The following PTPRN2 variants were observed in gnomAD, a reference collection of about 807,000 sequenced individuals.
The protein encoded by PTPRN2 is receptor-type tyrosine-protein phosphatase N2.
PTPRN2 carries 74 observed loss-of-function variants against 118.8 expected under a neutral mutation model. The observed-to-expected ratio is 0.62, with a 90% CI of 0.52 to 0.76. PTPRN2 has a LOEUF of 0.76. Ranked by LOEUF, PTPRN2 falls within the 30% of genes least tolerant of loss-of-function variation. PTPRN2 has a pLI of 0.00. For synonymous variants in PTPRN2, 641 were observed against 608.0 expected, an observed-to-expected ratio of 1.05 and a Z score of -0.80; for missense variants, 1,481 against 1,394.4, an observed-to-expected ratio of 1.06 and a Z score of -0.99.
chr7:158,566,476 G>C (rs1313010995), intron 1 of PTPRN2, among the ~76,000 whole-genome samples: 3 of 152,198 alleles, frequency 2.0e-5, no homozygotes, highest in Non-Finnish European at 4.4e-5. Context: ...GCGGGCACTT[G>C]GCAGCCCCGG....
rs111614779 is a variant in PTPRN2, at chr7:158,019,487, C to T, written c.1723+61811G>A. 2.0e-3 allele frequency among the ~76,000 whole-genome samples: 306 copies of T among 152,354 alleles called. 2 individuals carry two copies. Among genetic ancestry groups the T allele is most frequent in the African/African-American group, 7.1e-3 (295 of 41,578 alleles). On this transcript the variant is annotated intron_variant, in intron 11 of 22. Coordinates refer to ENST00000389418, the MANE Select transcript of PTPRN2 (RefSeq NM_002847.5). Reference sequence around the variant, plus strand: ...GGTAGAGGCCAGGGATGGGGCTGCACAGGATGCCCACAAGGCCTCGTGATT... The same window carrying T: ...GGTAGAGGCCAGGGATGGGGCTGCATAGGATGCCCACAAGGCCTCGTGATT...
chr7:158,371,621 G>T (rs560343336), intron 2 of PTPRN2, among the ~76,000 whole-genome samples: 1 of 152,180 alleles, frequency 6.6e-6, no homozygotes, highest in Admixed American at 6.5e-5. Context: ...GCAAGTTCTC[G>T]GAAGGAAAAT....
In PTPRN2 at chr7:157,697,500, A is replaced by C. The variant is rs1430784718; in HGVS notation, c.1789-14563T>G. ...CATCTACTCATGCATACTGGATCTT[A>C]GTAGAGCCCTCACCATCTACCCATG... On this transcript the variant is annotated intron_variant, in intron 12 of 22. Transcript: ENST00000389418. Among the ~76,000 whole-genome samples the C allele has an allele frequency of 4.9e-5, 5 of 102,842 alleles. No homozygotes were observed. The East Asian group carries it at 1.7e-3, about 35-fold the overall frequency. 67.5% of individuals were successfully genotyped at this position (102,842 alleles called of 152,430 possible).
At chr7:158,454,075 C>T (rs113292016) in intron 2 of PTPRN2, among the ~76,000 whole-genome samples, 1 of 129,634 alleles carries the variant, frequency 7.7e-6, no homozygotes. Context: ...ACACAATCAC[C>T]GATGTCAGGA....
chr7:158,053,812 GGCAGAGACCCCAGAGAT>G (rs1563365905), intron 11 of PTPRN2, among the ~76,000 whole-genome samples: 5 of 113,452 alleles, frequency 4.4e-5, no homozygotes, highest in African/African-American at 1.1e-4. Flanking sequence ...ACTCCAGAGA[GGCAGAGACCCCAGAGAT>G]GCAGAGACCC....
Position 158,158,298 on chromosome 7 carries a change from T to C in PTPRN2, c.910+8633A>G, listed in dbSNP as rs915484732. On this transcript the variant is annotated intron_variant, in intron 6 of 22. Transcript: ENST00000389418. ...GTGAAAAGTCAAAGCTTTGGTTCAG[T>C]GCCCTCCTGAGACTGGGCTGCGGGG... Among the ~76,000 whole-genome samples, 9 of 152,244 alleles carry C rather than the reference T, an allele frequency of 5.9e-5. No homozygotes were observed. In the East Asian group the frequency reaches 1.5e-3, roughly 26 times the overall value.
chr7:158,333,457 C>A (rs200537438), intron 2 of PTPRN2, among the ~76,000 whole-genome samples: 5 of 146,224 alleles, frequency 3.4e-5, no homozygotes, highest in Admixed American at 6.6e-5. Context: ...ACGTCTCTCA[C>A]ACCCACACTC....
intron 2 of PTPRN2, among the ~76,000 whole-genome samples, chr7:158,476,274 G>A (rs1820254952): frequency 6.6e-6 from 1 of 152,234 alleles, no homozygotes; most frequent in Non-Finnish European, 1.5e-5. Context: ...ACAGTGCTGG[G>A]ATTACAGGCG....
At chr7:158,202,973 C>T (rs1374605817) in intron 4 of PTPRN2, among the ~76,000 whole-genome samples, 1 of 151,924 alleles carries the variant, frequency 6.6e-6, no homozygotes, top group Non-Finnish European at 1.5e-5. Context: ...GTGGCTCATG[C>T]CTGTAATCCT....
chr7:158,340,029 G>C (rs1806354098), intron 2 of PTPRN2, among the ~76,000 whole-genome samples: 1 of 71,952 alleles, frequency 1.4e-5, no homozygotes, highest in African/African-American at 5.3e-5. Flanking sequence ...ACTATAAGAG[G>C]TGACATATGC....
rs376204306 is a variant in PTPRN2 at position 157,733,314 on chromosome 7, C to T, written c.1789-50377G>A. On this transcript the variant is annotated intron_variant, in intron 12 of 22. Transcript: ENST00000389418. ...AGCACAGTTACCCTTTCCCGTCCCA[C>T]GCGCCCAGCACAGTTACTCTTTTCC... is the stretch of plus-strand genomic sequence containing the variant. Among the ~76,000 whole-genome samples the T allele has an allele frequency of 2.1e-3, 29 of 13,516 alleles. 2 individuals carry two copies. Among genetic ancestry groups the T allele is most frequent in the Middle Eastern group, 0.042 (1 of 24 alleles). The allele number at this position is 13,516 out of a possible 152,430, so 8.9% of individuals were successfully genotyped here.
chr7:158,262,790 T>TTCACACTGC (rs1797567516), intron 3 of PTPRN2, among the ~76,000 whole-genome samples: 1 of 109,334 alleles, frequency 9.1e-6, no homozygotes, highest in Non-Finnish European at 1.9e-5. Flanking sequence ...ACTACACACA[T>TTCACACTGC]ACACATTCAC....
chr7:158,514,398 G>C (rs1192685036), intron 1 of PTPRN2, among the ~76,000 whole-genome samples: 1 of 152,194 alleles, frequency 6.6e-6, no homozygotes, highest in Non-Finnish European at 1.5e-5. Context: ...GAATGACGTG[G>C]GCTGCCCAGT....
intron 17 of PTPRN2, among the ~76,000 whole-genome samples, chr7:157,578,401 G>A (rs1800170575): frequency 6.6e-6 from 1 of 152,208 alleles, no homozygotes; most frequent in African/African-American, 2.4e-5. Flanking sequence ...AGGTTCAGCT[G>A]TGTGGTTTTC....
chr7:158,024,570 G>A (rs1210776094), intron 11 of PTPRN2, among the ~76,000 whole-genome samples: 1 of 152,240 alleles, frequency 6.6e-6, no homozygotes, highest in African/African-American at 2.4e-5. Context: ...CAAGGTCATA[G>A]GCATTGTAAG....
chr7:157,982,144 ATAAACCCCGAGTCACAGAGATG>A (rs1803250926), intron 11 of PTPRN2, among the ~76,000 whole-genome samples: 1 of 89,286 alleles, frequency 1.1e-5, no homozygotes, highest in African/African-American at 4.7e-5. Flanking sequence ...AGCGTCCCCC[ATAAACCCCGAGTCACAGAGATG>A]AGGAGGGGAA....
At chr7:158,573,545 A>C (rs1022396964) in intron 1 of PTPRN2, among the ~76,000 whole-genome samples, 20 of 152,244 alleles carry the variant, frequency 1.3e-4, no homozygotes, top group African/African-American at 4.8e-4. Flanking sequence ...TCTTTCCTTG[A>C]AAATCAACCA....
At chr7:157,918,477 G>A (rs913938773) in intron 11 of PTPRN2, among the ~76,000 whole-genome samples, 2 of 152,192 alleles carry the variant, frequency 1.3e-5, no homozygotes, top group Non-Finnish European at 1.5e-5. Context: ...CAGTGAGGAC[G>A]ACGCGTGGGA....
chr7:158,386,035 G>T (rs112811013), intron 2 of PTPRN2, among the ~76,000 whole-genome samples: 1 of 25,566 alleles, frequency 3.9e-5, no homozygotes, highest in Non-Finnish European at 8.6e-5. Context: ...CCCGTGCCCC[G>T]AGTCCCTCCT....
Sources: allele counts gnomAD v4.1 joint callset (sites outside exome capture counted in the v4.1 genomes callset), GRCh38; gene constraint gnomAD v4.1.1; transcripts MANE v1.5; gene names NCBI Gene and HGNC (gene_info 2026-07-23, HGNC 2026-07-21).